SH3PXD2A: variants seen among roughly 807,000 people sequenced by gnomAD.
SH3PXD2A encodes SH3 and PX domains 2A.
In SH3PXD2A, 32 loss-of-function variants were observed where a neutral mutation model predicts 115.2. The ratio of observed to expected loss-of-function variants is 0.28; its 90% CI spans 0.21 to 0.37. SH3PXD2A has a LOEUF of 0.37. SH3PXD2A is among the 10% of genes least tolerant of loss of function. SH3PXD2A has a pLI of 1.00. For missense variants in SH3PXD2A, 1,328 were observed against 1,498.7 expected (o/e 0.89, Z 1.88); for synonymous variants, 610 against 629.1 (o/e 0.97, Z 0.45).
rs115509838 is a variant in SH3PXD2A at position 103,760,234 on chromosome 10, C to T, written c.229+6860G>A. Among the ~76,000 whole-genome samples, 837 of 152,246 alleles carry T rather than the reference C, an allele frequency of 5.5e-3. 7 individuals are homozygous for T. Among genetic ancestry groups the T allele is most frequent in the African/African-American group, 0.019 (801 of 41,530 alleles). ...ATCTGAGCCCGTCTTGTCACACCTA[C>T]GGAACTTGGAGGAACAGGAGAAGTC... On this transcript the variant is annotated intron_variant, in intron 3 of 14. Coordinates refer to ENST00000369774, the MANE Select transcript of SH3PXD2A (RefSeq NM_001394015.1).
At chr10:103,606,510 C>T (rs866184778) in intron 13 of SH3PXD2A, among the ~76,000 whole-genome samples, 2 of 146,334 alleles carry the variant, frequency 1.4e-5, no homozygotes, top group Middle Eastern at 3.5e-3. Flanking sequence ...CGGTCTCCCT[C>T]TCCCTCTCTT....
Position 103,627,247 on chromosome 10 carries a change from G to T in SH3PXD2A, c.605-45C>A, listed in dbSNP as rs373897044. ...GAACAGGACTGTGAGATTCTGCAGG[G>T]TGGCAGGGGTGGCTCGGGGGCCAGG... On this transcript the variant is annotated intron_variant, in intron 8 of 14. Coordinates refer to ENST00000369774, the MANE Select transcript of SH3PXD2A (RefSeq NM_001394015.1). This position sits in a 1 kb window ranked among gnomAD's most constrained non-coding sequence, Gnocchi z 4.4. 3 of 1,157,790 alleles carry T rather than the reference G, an allele frequency of 2.6e-6. No homozygotes were observed. Among genetic ancestry groups the T allele is most frequent in the Non-Finnish European group, 3.9e-6 (3 of 769,558 alleles). 71.7% of individuals were successfully genotyped at this position (1,157,790 alleles called of 1,614,324 possible). A position where few individuals can be genotyped will look rare whatever the true frequency, so the allele number is the denominator to read the frequency against.
intron 3 of SH3PXD2A, among the ~76,000 whole-genome samples, chr10:103,765,339 A>G (rs2038743533): frequency 6.6e-6 from 1 of 152,142 alleles, no homozygotes; most frequent in Admixed American, 6.5e-5. Context: ...GCTCACAATG[A>G]GGTCACTGTT....
chr10:103,779,790 T>C (rs1007126527), intron 2 of SH3PXD2A, among the ~76,000 whole-genome samples: 2 of 152,168 alleles, frequency 1.3e-5, no homozygotes, highest in Non-Finnish European at 2.9e-5. Flanking sequence ...TTCCTGGCTG[T>C]GGTCACTCTG....
At chr10:103,648,115 G>C (rs548054227) in intron 8 of SH3PXD2A, among the ~76,000 whole-genome samples, 14 of 152,304 alleles carry the variant, frequency 9.2e-5, no homozygotes, top group African/African-American at 3.4e-4. Context: ...ACACGGGCTG[G>C]TGGGCACGAC....
In SH3PXD2A at chr10:103,602,031, T is replaced by C. The variant is rs1390704543; in HGVS notation, c.3187A>G (p.Ile1063Val). ...IPVSPVRPKP[I>V]EKSQFIHNNL... ...TTGTGGATGAACTGAGACTTCTCGA[T>C]GGGCTTGGGGCGCACAGGGGACACG... Residue 1063 changes from isoleucine to valine, a missense_variant, in exon 15 of 15, where the codon ATC becomes GTC. By Grantham distance (29) the Ile-to-Val change is conservative (BLOSUM62 3). Transcript: ENST00000369774. The C allele has an allele frequency of 1.2e-6, 2 of 1,612,598 alleles. No homozygotes were observed. The highest frequency in any genetic ancestry group is 1.7e-6 in the Non-Finnish European group (2 of 1,179,138).
chr10:103,733,133 C>T (rs1013847425), intron 4 of SH3PXD2A, among the ~76,000 whole-genome samples: 23 of 152,102 alleles, frequency 1.5e-4, no homozygotes, highest in African/African-American at 5.6e-4. Flanking sequence ...CCCATGGCCC[C>T]ATTCCTTGTC....
At chr10:103,804,658 T>C (rs1051416937) in intron 1 of SH3PXD2A, among the ~76,000 whole-genome samples, 9 of 152,080 alleles carry the variant, frequency 5.9e-5, no homozygotes, top group East Asian at 5.8e-4. Flanking sequence ...GTGTGGGTGG[T>C]CTGAGAAGCC....
At chr10:103,804,553 AC>A (rs993253997) in intron 1 of SH3PXD2A, among the ~76,000 whole-genome samples, 2 of 151,420 alleles carry the variant, frequency 1.3e-5, no homozygotes, top group African/African-American at 4.9e-5. Flanking sequence ...CGATCTTCTC[AC>A]CTCGTGATCT....
At chr10:103,718,760 GACACACACACACACACACACACAC>G (rs55844048) in intron 5 of SH3PXD2A, among the ~76,000 whole-genome samples, 18 of 128,418 alleles carry the variant, frequency 1.4e-4, no homozygotes, top group South Asian at 2.9e-4. Context: ...CCCCAATCAG[GACACACACACACACACACACACAC>G]ACACACACAC....
rs1038678480 is a variant in SH3PXD2A, at chr10:103,603,469, C to T, written c.1749G>A (p.Glu583=). Residue 583 remains glutamate (E), a synonymous_variant, in exon 15 of 15, where the codon GAG becomes GAA. Transcript: ENST00000369774. ...GCCGGTGGGGCTGGGCAGGCCGCCT[C>T]TCCCCTGAGGCTCTGTCCTCCACGG... ...EEPVEDRASG[E]RRPAQPHRPS... is the part of the protein sequence containing the mutation. The T allele has an allele frequency of 6.2e-7, 1 of 1,611,796 alleles. No individual in the cohort carries two copies. Among genetic ancestry groups the T allele is most frequent in the African/African-American group, 1.3e-5 (1 of 74,888 alleles).
intron 3 of SH3PXD2A, chr10:103,736,923 A>G (rs2038387481): frequency 3.8e-6 from 2 of 524,614 alleles, no homozygotes; most frequent in Admixed American, 4.7e-5. Context: ...CAGCCTAGTC[A>G]GCCAGAGTCA....
chr10:103,603,291 C>T lies in SH3PXD2A; in HGVS notation c.1927G>A (p.Asp643Asn), dbSNP rs145692705. The T allele has an allele frequency of 2.5e-3, 4,081 of 1,613,950 alleles. 14 individuals carry two copies. The highest frequency in any genetic ancestry group is 2.4e-3 in the Non-Finnish European group (2,801 of 1,179,964). Residue 643 changes from aspartate to asparagine, a missense_variant, in exon 15 of 15, where the codon GAC (aspartate) becomes AAC (asparagine). Asp to Asn is a conservative substitution (Grantham distance 23, BLOSUM62 1). Coordinates refer to ENST00000369774, the MANE Select transcript of SH3PXD2A (RefSeq NM_001394015.1). ...GACAGCGAGGAGCTGCCTGGGGAGT[C>T]GCTGTCCCCGGAGGAGCCTCTGGCT... is the stretch of plus-strand genomic sequence containing the variant. ...LSARGSSGDS[D>N]SPGSSSLSLT...
rs141023638 is a variant in SH3PXD2A, at chr10:103,766,035, C to T, written c.229+1059G>A. Among the ~76,000 whole-genome samples the T allele has an allele frequency of 5.3e-5, 8 of 152,362 alleles. No individual in the cohort carries two copies. In the Middle Eastern group the frequency reaches 0.01, roughly 194 times the overall value. ...TATAGCATAGGACTCTGAGGACAGG[C>T]GGTCATAGGGACTCACATCTTTCGC... On this transcript the variant is annotated intron_variant, in intron 3 of 14. Transcript: ENST00000369774.
intron 6 of SH3PXD2A, among the ~76,000 whole-genome samples, chr10:103,676,590 A>G (rs1378558886): frequency 1.3e-5 from 2 of 152,018 alleles, no homozygotes; most frequent in Admixed American, 1.3e-4. Flanking sequence ...CCCTGCTGAG[A>G]AGACCGGAAG....
intron 5 of SH3PXD2A, among the ~76,000 whole-genome samples, chr10:103,695,497 G>A (rs1288090759): frequency 6.8e-6 from 1 of 147,488 alleles, no homozygotes; most frequent in African/African-American, 2.6e-5. Context: ...TGACAAGTGA[G>A]ACTCTGTCTC....
intron 13 of SH3PXD2A, among the ~76,000 whole-genome samples, chr10:103,606,177 TATCATCATCATC>T (rs56654395): frequency 9.0e-4 from 129 of 142,824 alleles, no homozygotes; most frequent in South Asian, 6.2e-3. Flanking sequence ...TTACTATTAC[TATCATCATCATC>T]ATCATCATCA....
intron 2 of SH3PXD2A, among the ~76,000 whole-genome samples, chr10:103,789,764 C>A (rs924232401): frequency 6.9e-6 from 1 of 144,858 alleles, no homozygotes; most frequent in Non-Finnish European, 1.5e-5. Flanking sequence ...GCAGAGGCTG[C>A]AACTGCATTC....
chr10:103,757,880 G>T (rs1018682255), intron 3 of SH3PXD2A, among the ~76,000 whole-genome samples: 4 of 152,192 alleles, frequency 2.6e-5, no homozygotes, highest in South Asian at 2.1e-4. Flanking sequence ...TGCCTGGGCT[G>T]CGGCCTGGGC....
Sources: allele counts gnomAD v4.1 joint callset (sites outside exome capture counted in the v4.1 genomes callset), GRCh38; gene constraint gnomAD v4.1.1; non-coding constraint Gnocchi (gnomAD v3.1); transcripts MANE v1.5; gene names NCBI Gene and HGNC (gene_info 2026-07-23, HGNC 2026-07-21).